The following TMTC3 variants were observed in gnomAD, a reference collection of about 807,000 sequenced individuals.
TMTC3 encodes protein O-mannosyl-transferase TMTC3.
Under a neutral mutation model 92.2 loss-of-function variants are expected in TMTC3, and 52 were observed. That is an observed-to-expected ratio of 0.56 (90% CI 0.45 to 0.71). The LOEUF is 0.71. Ranked by LOEUF, TMTC3 falls within the 30% of genes least tolerant of loss-of-function variation. The pLI is 0.00. For synonymous variants in TMTC3, 339 were observed against 363.3 expected (o/e 0.93, Z 0.76); for missense variants, 896 against 1,057.1 (o/e 0.85, Z 2.11).
intron 4 of TMTC3, among the ~76,000 whole-genome samples, chr12:88,159,241 A>G (rs1345059262): frequency 2.0e-5 from 3 of 152,192 alleles, no homozygotes; most frequent in East Asian, 1.9e-4. Flanking sequence ...TCTTTAGTCA[A>G]ATTACTACTA....
At chr12:88,189,487 C>T (rs921080549) in intron 11 of TMTC3, among the ~76,000 whole-genome samples, 2 of 152,078 alleles carry the variant, frequency 1.3e-5, no homozygotes, top group Non-Finnish European at 2.9e-5. Context: ...TATGAGTTAT[C>T]AGCAAGTTAA....
At chr12:88,145,304 C>A (rs1415119072) in intron 1 of TMTC3, among the ~76,000 whole-genome samples, 1 of 152,166 alleles carries the variant, frequency 6.6e-6, no homozygotes, top group Non-Finnish European at 1.5e-5. Flanking sequence ...TTTCCAGTTT[C>A]CTCATGTTGA....
At chr12:88,166,621 T>C (rs1398139766) in intron 7 of TMTC3, 39 bp downstream of exon 7, 1 of 1,572,008 alleles carries the variant, frequency 6.4e-7, no homozygotes, top group African/African-American at 1.4e-5. Flanking sequence ...ATGTTAACAT[T>C]CAGTTGAATA....
Position 88,195,626 on chromosome 12 carries a change from G to A in TMTC3, c.2722G>A (p.Glu908Lys). 6.3e-7 allele frequency: 1 copy of A among 1,592,206 alleles called. No homozygotes were observed. The highest frequency in any genetic ancestry group is 8.5e-7 in the Non-Finnish European group (1 of 1,173,758). Residue 908 changes from glutamate to lysine, a missense_variant, in exon 14 of 14, where the codon GAA (glutamate) becomes AAA (lysine). Physicochemically the swap from Glu to Lys is moderately conservative, Grantham distance 56. Coordinates refer to ENST00000266712, the MANE Select transcript of TMTC3 (RefSeq NM_181783.4). Reference protein sequence around the residue: ...VAALKRLEEIERILNGE With the variant: ...VAALKRLEEIKRILNGE The stretch of plus-strand genomic sequence containing the variant: ...TGCTTTAAAAAGACTAGAAGAGATT[G>A]AACGTATTTTAAATGGTGAATAACA...
intron 1 of TMTC3, among the ~76,000 whole-genome samples, chr12:88,145,123 C>T (rs757305870): frequency 4.6e-5 from 7 of 152,146 alleles, no homozygotes; most frequent in Non-Finnish European, 1.0e-4. Flanking sequence ...ACTTCTAGTT[C>T]CTTTTTGCTG....
At chr12:88,145,601 C>T (rs926540401) in intron 1 of TMTC3, among the ~76,000 whole-genome samples, 7 of 151,430 alleles carry the variant, frequency 4.6e-5, no homozygotes, top group Non-Finnish European at 8.9e-5. Flanking sequence ...ATTTTGAGGG[C>T]TTCAGTATTT....
At chr12:88,152,959 C>T (rs1439647725) in intron 2 of TMTC3, among the ~76,000 whole-genome samples, 1 of 152,092 alleles carries the variant, frequency 6.6e-6, no homozygotes, top group Non-Finnish European at 1.5e-5. Flanking sequence ...GGAGAGAATC[C>T]TGTGCTCTAA....
chr12:88,191,636 T>C (rs2041443659), intron 12 of TMTC3, among the ~76,000 whole-genome samples: 1 of 152,182 alleles, frequency 6.6e-6, no homozygotes, highest in Non-Finnish European at 1.5e-5. Flanking sequence ...ATTCTAAGTG[T>C]GTTCCTCAAA....
chr12:88,192,653 T>A lies in TMTC3; in HGVS notation c.1756T>A (p.Tyr586Asn). 6.2e-7 allele frequency: 1 copy of A among 1,612,462 alleles called. No homozygotes were observed. Among genetic ancestry groups the A allele is most frequent in the Non-Finnish European group, 8.5e-7 (1 of 1,178,826 alleles). ...MNKPLKAKEA[Y>N]LKALELDRNN... ...TAAACCTCTTAAAGCAAAGGAAGCA[T>A]ATCTTAAAGCACTAGAGCTGGACAG... Residue 586 changes from tyrosine (Y) to asparagine (N), a missense_variant, in exon 13 of 14, where the codon TAT (tyrosine) becomes AAT (asparagine). Tyr to Asn is a moderately radical substitution (Grantham distance 143, BLOSUM62 -2). Coordinates refer to ENST00000266712, the MANE Select transcript of TMTC3 (RefSeq NM_181783.4).
chr12:88,172,634 C>G lies in TMTC3; in HGVS notation c.1088C>G (p.Ser363Trp). 6.4e-7 allele frequency: 1 copy of G among 1,559,276 alleles called. No individual in the cohort carries two copies. Residue 363 changes from serine to tryptophan, a missense_variant, in exon 8 of 14, where the codon TCG becomes TGG. Ser to Trp is a radical substitution (Grantham distance 177, BLOSUM62 -3). Coordinates refer to ENST00000266712, the MANE Select transcript of TMTC3 (RefSeq NM_181783.4). ...CLMALPFIPA[S>W]NLFFPVGFVV... ...ATGGCATTACCATTTATTCCTGCAT[C>G]GAACCTTTTTTTTCCAGTTGGATTT...
intron 6 of TMTC3, among the ~76,000 whole-genome samples, chr12:88,164,926 A>G (rs2043800207): frequency 6.6e-6 from 1 of 152,138 alleles, no homozygotes. Context: ...TAGCCGTGCT[A>G]AAATGAACTT....
chr12:88,182,034 T>C (rs984656365), intron 10 of TMTC3, among the ~76,000 whole-genome samples: 2 of 152,234 alleles, frequency 1.3e-5, no homozygotes, highest in Admixed American at 1.3e-4. Context: ...ATAGGGGCAA[T>C]ATTGCTTCGA....
At chr12:88,160,025 G>T in intron 4 of TMTC3, 89 bp from the exon 5 acceptor site, 2 of 800,324 alleles carry the variant, frequency 2.5e-6, no homozygotes, top group Non-Finnish European at 4.0e-6. Flanking sequence ...GCACTCATAT[G>T]GATATGGAAT....
At chr12:88,168,807 A>G (rs1354757684) in intron 7 of TMTC3, among the ~76,000 whole-genome samples, 1 of 152,214 alleles carries the variant, frequency 6.6e-6, no homozygotes, top group Non-Finnish European at 1.5e-5. Context: ...AAAGATGTTT[A>G]AGGCTGGAGA....
chr12:88,148,765 A>G (rs954948630), intron 2 of TMTC3, among the ~76,000 whole-genome samples: 1 of 151,592 alleles, frequency 6.6e-6, no homozygotes, highest in Non-Finnish European at 1.5e-5. Flanking sequence ...TTTTAGATAC[A>G]GGGCTACATA....
intron 6 of TMTC3, among the ~76,000 whole-genome samples, chr12:88,162,237 T>G (rs2041088804): frequency 6.6e-6 from 1 of 152,198 alleles, no homozygotes; most frequent in African/African-American, 2.4e-5. Context: ...GTATGTTATG[T>G]GTATTTTTTC....
At chr12:88,162,575 T>G (rs545622000) in intron 6 of TMTC3, among the ~76,000 whole-genome samples, 9 of 152,308 alleles carry the variant, frequency 5.9e-5, no homozygotes, top group African/African-American at 2.2e-4. Flanking sequence ...TACTCTTAAT[T>G]TCATCTAGTT....
At chr12:88,185,541 C>T (rs116496435) in intron 10 of TMTC3, among the ~76,000 whole-genome samples, 151 of 152,104 alleles carry the variant, frequency 9.9e-4, no homozygotes, top group African/African-American at 3.1e-3. Context: ...ATGGCTGTTA[C>T]GAACATTCAT....
intron 7 of TMTC3, among the ~76,000 whole-genome samples, chr12:88,168,422 G>C (rs1326444308): frequency 1.3e-5 from 2 of 152,182 alleles, no homozygotes; most frequent in Admixed American, 1.3e-4. Flanking sequence ...TCAGGCAATG[G>C]TTTCAAGTAT....
Sources: allele counts gnomAD v4.1 joint callset (sites outside exome capture counted in the v4.1 genomes callset), GRCh38; gene constraint gnomAD v4.1.1; transcripts MANE v1.5; gene names NCBI Gene and HGNC (gene_info 2026-07-23, HGNC 2026-07-21).